IFNAR1: variants seen among roughly 807,000 people sequenced by gnomAD.
IFNAR1 encodes interferon alpha/beta receptor 1.
IFNAR1 carries 47 observed loss-of-function variants against 62.1 expected under a neutral mutation model. The ratio of observed to expected loss-of-function variants is 0.76; its 90% CI spans 0.60 to 0.97. The LOEUF (loss-of-function observed/expected upper bound fraction) is 0.97, where lower values mean the gene tolerates loss of function less well. IFNAR1 is among the 50% of genes least tolerant of loss of function. The pLI is 0.00. For missense variants in IFNAR1, 638 were observed against 654.5 expected (o/e 0.97, Z 0.27); for synonymous variants, 219 against 226.9 (o/e 0.97, Z 0.31).
In IFNAR1 at chr21:33,341,184, A is replaced by G; in HGVS notation, c.376+10A>G. ...ACACCATTTCGCAAAGGTAAGAAAA[A>G]GTTGCTAGCTGAATTATATTCTTTA... On this transcript the variant is annotated intron_variant, in intron 3 of 10. Transcript: ENST00000270139. The G allele has an allele frequency of 6.3e-7, 1 of 1,594,374 alleles. No homozygotes were observed. Among genetic ancestry groups the G allele is most frequent in the East Asian group, 2.2e-5 (1 of 44,596 alleles).
chr21:33,325,027 T>C lies in IFNAR1; in HGVS notation c.-29T>C, dbSNP rs751767584. 6 of 1,572,048 alleles carry C rather than the reference T, an allele frequency of 3.8e-6. No individual in the cohort carries two copies. The highest frequency in any genetic ancestry group is 5.2e-6 in the Non-Finnish European group (6 of 1,158,552). Reference sequence around the variant, plus strand: ...GAGGAGCTGCGCGTGCGCGAACATGTAACTGGTGGGATCTGCGGCGGCTCC... The same window carrying C: ...GAGGAGCTGCGCGTGCGCGAACATGCAACTGGTGGGATCTGCGGCGGCTCC... On this transcript the variant is annotated 5_prime_UTR_variant, in exon 1 of 11. The change abolishes the stop of an existing upstream ORF in the 5' untranslated region. Transcript: ENST00000270139.
At chr21:33,325,321 T>C (rs2083116353) in intron 1 of IFNAR1, among the ~76,000 whole-genome samples, 190 bp downstream of exon 1, 1 of 152,154 alleles carries the variant, frequency 6.6e-6, no homozygotes. Context: ...TTCTGGGTCC[T>C]CTCTTGCCGC....
chr21:33,331,039 G>A (rs940356502), intron 1 of IFNAR1, among the ~76,000 whole-genome samples: 4 of 152,196 alleles, frequency 2.6e-5, no homozygotes, highest in African/African-American at 9.7e-5. Flanking sequence ...AGTGTGTCTT[G>A]CTTCGGGGAC....
chr21:33,337,358 A>G (rs1000652789), intron 2 of IFNAR1, among the ~76,000 whole-genome samples: 10 of 152,136 alleles, frequency 6.6e-5, no homozygotes, highest in African/African-American at 2.4e-4. Context: ...AGGCAGGCAG[A>G]AGGAGGAATA....
chr21:33,329,270 T>C (rs17875773), intron 1 of IFNAR1, among the ~76,000 whole-genome samples: 3,193 of 152,286 alleles, frequency 0.021, 122 homozygotes, highest in African/African-American at 0.074. Flanking sequence ...AGATCTTTTG[T>C]TAAACTCTGT....
chr21:33,340,355 A>T (rs900336839), intron 2 of IFNAR1, among the ~76,000 whole-genome samples: 1 of 151,978 alleles, frequency 6.6e-6, no homozygotes, highest in Non-Finnish European at 1.5e-5. Context: ...GTTTCTATTT[A>T]ATTTTATTTT....
intron 6 of IFNAR1, 66 bp from the exon 7 acceptor site, chr21:33,349,023 CAT>C: frequency 1.0e-6 from 1 of 961,954 alleles, no homozygotes; most frequent in East Asian, 2.6e-5. Flanking sequence ...TAGCCCCTAA[CAT>C]AGTGTCTGGC....
intron 1 of IFNAR1, chr21:33,334,536 G>A (rs2083214548): frequency 2.2e-6 from 1 of 460,022 alleles, no homozygotes; most frequent in South Asian, 1.9e-5. Context: ...AAAGCTAAGG[G>A]AGTTCATTAC....
intron 6 of IFNAR1, among the ~76,000 whole-genome samples, chr21:33,345,661 G>T (rs1297256864): frequency 1.3e-5 from 2 of 152,168 alleles, no homozygotes; most frequent in Non-Finnish European, 2.9e-5. Flanking sequence ...AGTTGCATGT[G>T]TTATTTCCCC....
chr21:33,340,106 C>G (rs146271101), intron 2 of IFNAR1, among the ~76,000 whole-genome samples: 45 of 152,156 alleles, frequency 3.0e-4, no homozygotes, highest in African/African-American at 1.1e-3. Context: ...ATCACTTCAG[C>G]TTTCTGATTG....
chr21:33,326,689 T>C (rs17875759), intron 1 of IFNAR1, among the ~76,000 whole-genome samples: 1,658 of 152,282 alleles, frequency 0.011, 37 homozygotes, highest in African/African-American at 0.037. Flanking sequence ...ATAATGCTAG[T>C]AACAGCCATT....
intron 2 of IFNAR1, among the ~76,000 whole-genome samples, chr21:33,339,723 A>G (rs2083275904): frequency 6.6e-6 from 1 of 151,860 alleles, no homozygotes; most frequent in South Asian, 2.1e-4. Context: ...GGAGTTTAAG[A>G]TCAGTCTAGC....
chr21:33,328,896 T>C (rs1279434032), intron 1 of IFNAR1, among the ~76,000 whole-genome samples: 2 of 152,112 alleles, frequency 1.3e-5, no homozygotes, highest in East Asian at 3.8e-4. Context: ...TATACTAATA[T>C]AAAACATTTT....
chr21:33,347,920 A>G (rs527381676), intron 6 of IFNAR1, among the ~76,000 whole-genome samples: 2 of 152,294 alleles, frequency 1.3e-5, no homozygotes, highest in South Asian at 4.1e-4. Context: ...ATTAGGGTCA[A>G]CCTCAGGCTG....
chr21:33,343,177 C>G (rs1601859785), intron 3 of IFNAR1, 91 bp from the exon 4 acceptor site: 2 of 1,024,698 alleles, frequency 2.0e-6, no homozygotes, highest in Non-Finnish European at 1.5e-6. Flanking sequence ...AAGTGGCAGG[C>G]ACATATTAAG....
chr21:33,352,759 GA>G lies in IFNAR1; in HGVS notation c.1150del (p.Ile384LeufsTer13). ...IFWENTSNAE[R>X]KIIEKKTDVT... ...CAGTGATTTAATTATATTTTCTAGAGAAAAATTATCGAGAAAAAAACTGATG... is the reference window on the plus strand; with the variant it reads ...CAGTGATTTAATTATATTTTCTAGAGAAAATTATCGAGAAAAAAACTGATG... On this transcript the variant is annotated frameshift_variant and splice_region_variant, in exon 9 of 11. Coordinates refer to ENST00000270139, the MANE Select transcript of IFNAR1 (RefSeq NM_000629.3). LOFTEE classifies it high-confidence loss of function. 6.8e-7 allele frequency: 1 copy of G among 1,473,360 alleles called. No individual in the cohort carries two copies. The highest frequency in any genetic ancestry group is 9.3e-7 in the Non-Finnish European group (1 of 1,077,072). The allele number at this position is 1,473,360 out of a possible 1,614,324, so 91.3% of individuals were successfully genotyped here. A position where few individuals can be genotyped will look rare whatever the true frequency, so the allele number is the denominator to read the frequency against.
In IFNAR1 at chr21:33,335,552, A is replaced by AGTAGAG; in HGVS notation, c.108_113dup (p.Glu37_Val38dup). On this transcript the variant is annotated inframe_insertion, in exon 2 of 11. Transcript: ENST00000270139. The stretch of plus-strand genomic sequence containing the variant: ...GAAAAAATCTAAAATCTCCTCAAAA[A>AGTAGAG]GTAGAGGTCGACATCATAGATGACA... 1 of 1,602,334 alleles carries AGTAGAG rather than the reference A, an allele frequency of 6.2e-7. No homozygotes were observed. Among genetic ancestry groups the AGTAGAG allele is most frequent in the Non-Finnish European group, 8.5e-7 (1 of 1,172,386 alleles).
intron 1 of IFNAR1, among the ~76,000 whole-genome samples, chr21:33,331,949 CTG>C (rs2083185387): frequency 2.0e-5 from 3 of 152,182 alleles, no homozygotes; most frequent in Admixed American, 2.0e-4. Flanking sequence ...AATCCTGGCT[CTG>C]TGAGCAACTA....
Position 33,355,452 on chromosome 21 carries a change from A to C in IFNAR1, c.1577A>C (p.Lys526Thr). The C allele has an allele frequency of 6.2e-7, 1 of 1,606,346 alleles. No homozygotes were observed. The part of the protein sequence containing the change: ...ETNQTDEDHK[K>T]YSSQTSQDSG... Reference sequence around the variant, plus strand: ...AATCAAACTGATGAAGATCATAAAAAATACAGTTCCCAAACTAGCCAAGAT... The same window carrying C: ...AATCAAACTGATGAAGATCATAAAACATACAGTTCCCAAACTAGCCAAGAT... Residue 526 changes from lysine to threonine, a missense_variant, in exon 11 of 11, where the codon AAA (lysine) becomes ACA (threonine). Lys to Thr is a moderately conservative substitution (Grantham distance 78). Transcript: ENST00000270139.
Sources: allele counts gnomAD v4.1 joint callset (sites outside exome capture counted in the v4.1 genomes callset), GRCh38; gene constraint gnomAD v4.1.1; transcripts MANE v1.5; gene names NCBI Gene and HGNC (gene_info 2026-07-23, HGNC 2026-07-21).